Variants in AFAP1 observed in about 807,000 individuals in gnomAD.
AFAP1 encodes actin filament associated protein 1.
A neutral mutation model predicts 93.9 loss-of-function variants in AFAP1; 75 were observed. That is an observed-to-expected ratio of 0.80 (90% CI 0.66 to 0.97). The LOEUF (loss-of-function observed/expected upper bound fraction) is 0.97. Among genes scored for constraint, AFAP1 ranks in the 50% least tolerant of loss-of-function variants. The probability of loss-of-function intolerance (pLI) is 0.00; values close to 1 mark genes in which losing one functional copy is unlikely to be tolerated. For synonymous variants in AFAP1, 517 were observed against 430.7 expected (o/e 1.20, Z -2.48); for missense variants, 1,201 against 1,050.8 (o/e 1.14, Z -1.98).
intron 11 of AFAP1, among the ~76,000 whole-genome samples, chr4:7,786,531 A>G (rs1020380833): frequency 4.0e-5 from 6 of 150,862 alleles, no homozygotes; most frequent in African/African-American, 1.4e-4. Context: ...TGCGGCACAG[A>G]TCGCCAGTAA....
intron 6 of AFAP1, among the ~76,000 whole-genome samples, chr4:7,826,774 T>C (rs1022470205): frequency 1.3e-5 from 2 of 152,130 alleles, no homozygotes; most frequent in African/African-American, 2.4e-5. Flanking sequence ...GAGAGCCAGA[T>C]ACAGGCTGCC....
chr4:7,938,354 T>G (rs998226516), intron 1 of AFAP1, among the ~76,000 whole-genome samples: 5 of 152,234 alleles, frequency 3.3e-5, no homozygotes, highest in African/African-American at 1.2e-4. Context: ...TTCTGCTGTT[T>G]GTCTCCGGGA....
chr4:7,864,163 A>G (rs894658759), intron 3 of AFAP1, among the ~76,000 whole-genome samples: 4 of 151,792 alleles, frequency 2.6e-5, no homozygotes, highest in Admixed American at 6.6e-5. Context: ...TCTCATCACA[A>G]CCCACAGGTC....
At chr4:7,857,077 C>T (rs1160432168) in intron 3 of AFAP1, among the ~76,000 whole-genome samples, 2 of 152,196 alleles carry the variant, frequency 1.3e-5, no homozygotes, top group African/African-American at 4.8e-5. Context: ...TCCCCTTTTT[C>T]CTATGAATAG....
At chr4:7,800,153 C>A (rs1326057753) in intron 10 of AFAP1, among the ~76,000 whole-genome samples, 1 of 152,164 alleles carries the variant, frequency 6.6e-6, no homozygotes, top group East Asian at 1.9e-4. Flanking sequence ...TCCCTGCAAC[C>A]AGGCATAAAG....
intron 1 of AFAP1, among the ~76,000 whole-genome samples, chr4:7,897,526 G>A (rs1233090184): frequency 7.6e-6 from 1 of 131,504 alleles, no homozygotes; most frequent in East Asian, 2.0e-4. Context: ...TTGTTTGTTT[G>A]TTTTTGTGGT....
At chr4:7,876,822 T>C (rs890564599) in intron 1 of AFAP1, among the ~76,000 whole-genome samples, 4 of 152,230 alleles carry the variant, frequency 2.6e-5, no homozygotes, top group African/African-American at 4.8e-5. Context: ...CACAGCTCTC[T>C]AGCGCCTCAG....
chr4:7,843,946 C>T (rs1713368833), intron 4 of AFAP1: 1 of 153,768 alleles, frequency 6.5e-6, no homozygotes, highest in African/African-American at 2.4e-5. Context: ...ACTGCTGTGA[C>T]TGACAGTTTC....
At chr4:7,807,745 A>G (rs4689869) in intron 9 of AFAP1, among the ~76,000 whole-genome samples, 77,580 of 152,120 alleles carry the variant, frequency 0.51, 21,997 homozygotes, top group African/African-American at 0.77. Context: ...ACCAGAAGTC[A>G]GTATGACGCA....
chr4:7,885,300 T>C (rs1718081462), intron 1 of AFAP1, among the ~76,000 whole-genome samples: 1 of 152,210 alleles, frequency 6.6e-6, no homozygotes, highest in Admixed American at 6.5e-5. Context: ...CACGCCTGCT[T>C]CTGCCCCAGG....
At chr4:7,765,009 G>A (rs1714356580) in intron 17 of AFAP1, among the ~76,000 whole-genome samples, 1 of 152,198 alleles carries the variant, frequency 6.6e-6, no homozygotes. Flanking sequence ...GGTAGGCTGA[G>A]GCGAGAGGAT....
intron 4 of AFAP1, among the ~76,000 whole-genome samples, chr4:7,845,537 G>A (rs1713580100): frequency 6.6e-6 from 1 of 152,152 alleles, no homozygotes; most frequent in Non-Finnish European, 1.5e-5. Context: ...GTAAGAGACA[G>A]GAGCAGCTCA....
chr4:7,870,190 T>G (rs564592620), intron 2 of AFAP1, among the ~76,000 whole-genome samples: 1 of 152,318 alleles, frequency 6.6e-6, no homozygotes, highest in Non-Finnish European at 1.5e-5. Flanking sequence ...AAAGGTTGCA[T>G]GTTTGGTAAC....
intron 1 of AFAP1, among the ~76,000 whole-genome samples, chr4:7,888,272 C>T (rs975599083): frequency 2.0e-5 from 3 of 152,208 alleles, no homozygotes; most frequent in African/African-American, 7.2e-5. Flanking sequence ...CACCAAAACA[C>T]AAAGTGTCTT....
chr4:7,894,812 A>G (rs1279995295), intron 1 of AFAP1, among the ~76,000 whole-genome samples: 1 of 152,160 alleles, frequency 6.6e-6, no homozygotes, highest in Non-Finnish European at 1.5e-5. Context: ...CCAAAGAGGA[A>G]AAGCCTCGAG....
rs192535244 is a variant in AFAP1, at chr4:7,862,940, C to A, written c.225+5682G>T. Among the ~76,000 whole-genome samples, 704 of 152,304 alleles carry A rather than the reference C, an allele frequency of 4.6e-3. 15 individuals carry two copies. The highest frequency in any genetic ancestry group is 2.7e-3 in the East Asian group (14 of 5,178). On this transcript the variant is annotated intron_variant, in intron 3 of 17. Transcript: ENST00000420658. ...CACAAACGGCGCTTATCCATTTAGA[C>A]CCCTTTAGCAAGCCGGCTGCTTGCG... is the stretch of plus-strand genomic sequence containing the variant.
chr4:7,938,073 CA>C (rs1323197989), intron 1 of AFAP1, among the ~76,000 whole-genome samples: 2 of 152,102 alleles, frequency 1.3e-5, no homozygotes, highest in African/African-American at 4.8e-5. Flanking sequence ...ACCAGGACTT[CA>C]GGAGAACAAG....
chr4:7,884,624 G>GTAAC (rs1718039929), intron 1 of AFAP1, among the ~76,000 whole-genome samples: 1 of 152,002 alleles, frequency 6.6e-6, no homozygotes, highest in Admixed American at 6.6e-5. Context: ...GGGACAACTG[G>GTAAC]TAACTATTTG....
chr4:7,915,486 A>AAAAG (rs1553855507), intron 1 of AFAP1, among the ~76,000 whole-genome samples: 3 of 151,954 alleles, frequency 2.0e-5, no homozygotes, highest in Non-Finnish European at 2.9e-5. Flanking sequence ...CTAAAAAAAA[A>AAAAG]AAGAAGAAGA....
Sources: allele counts gnomAD v4.1 joint callset (sites outside exome capture counted in the v4.1 genomes callset), GRCh38; gene constraint gnomAD v4.1.1; transcripts MANE v1.5; gene names NCBI Gene and HGNC (gene_info 2026-07-23, HGNC 2026-07-21).